NTM: variants seen among roughly 807,000 people sequenced by gnomAD.
The protein encoded by NTM is neurotrimin, also known as IgLON family member 2.
Under a neutral mutation model 42.1 loss-of-function variants are expected in NTM, and 13 were observed. The observed-to-expected ratio is 0.31, with a 90% CI of 0.20 to 0.49. The LOEUF (loss-of-function observed/expected upper bound fraction) is 0.49. Ranked by LOEUF, NTM falls within the 20% of genes least tolerant of loss-of-function variation. The pLI is 0.99. For missense variants in NTM, 373 were observed against 452.8 expected, an observed-to-expected ratio of 0.82 and a Z score of 1.60; for synonymous variants, 187 against 179.2, an observed-to-expected ratio of 1.04 and a Z score of -0.35.
At chr11:132,145,210 C>T (rs781556897) in intron 2 of NTM, among the ~76,000 whole-genome samples, 17 of 152,214 alleles carry the variant, frequency 1.1e-4, no homozygotes, top group Non-Finnish European at 2.5e-4. Context: ...CTATTCAGAA[C>T]CCTAGTGTCC....
intron 1 of NTM, among the ~76,000 whole-genome samples, chr11:131,518,030 T>C (rs1195094133): frequency 1.3e-5 from 2 of 152,252 alleles, no homozygotes; most frequent in Non-Finnish European, 2.9e-5. Context: ...TTATAGCTTC[T>C]TGAATTGTTT....
At chr11:131,873,858 C>G (rs959531757) in intron 1 of NTM, among the ~76,000 whole-genome samples, 4 of 141,778 alleles carry the variant, frequency 2.8e-5, no homozygotes, top group Non-Finnish European at 4.5e-5. Context: ...CACCCTGTGT[C>G]CATGTGTTCT....
chr11:131,412,315 A>G (rs1946509991), intron 1 of NTM, among the ~76,000 whole-genome samples: 1 of 152,210 alleles, frequency 6.6e-6, no homozygotes, highest in Non-Finnish European at 1.5e-5. Flanking sequence ...CCCCAGGCTC[A>G]GCATGTATCA....
chr11:131,741,163 GA>G (rs2081143982), intron 1 of NTM, among the ~76,000 whole-genome samples: 2 of 1,352 alleles, frequency 1.5e-3, no homozygotes, highest in Non-Finnish European at 2.8e-3. Flanking sequence ...AGACCCCGTT[GA>G]GAGAGAGAGA....
intron 3 of NTM, among the ~76,000 whole-genome samples, chr11:132,147,873 G>A (rs942776724): frequency 1.3e-5 from 2 of 152,190 alleles, no homozygotes; most frequent in African/African-American, 4.8e-5. Context: ...AAGAACTGAA[G>A]TGAGCCGGAA....
chr11:131,905,590 T>C (rs1277358051), intron 1 of NTM, among the ~76,000 whole-genome samples: 1 of 152,126 alleles, frequency 6.6e-6, no homozygotes, highest in Non-Finnish European at 1.5e-5. Context: ...AGTTTCCTGA[T>C]CTTCCAGGCA....
intron 1 of NTM, among the ~76,000 whole-genome samples, chr11:131,738,124 A>G (rs2080719297): frequency 6.6e-6 from 1 of 152,032 alleles, no homozygotes; most frequent in African/African-American, 2.4e-5. Flanking sequence ...AAGCCAGGGG[A>G]TGGGGATGGA....
At chr11:132,264,909 A>G (rs1261044750) in intron 4 of NTM, among the ~76,000 whole-genome samples, 1 of 152,168 alleles carries the variant, frequency 6.6e-6, no homozygotes, top group African/African-American at 2.4e-5. Context: ...TTCTCTTCTT[A>G]TAAAGCTGTG....
chr11:131,508,199 A>G (rs1413537715), intron 1 of NTM, among the ~76,000 whole-genome samples: 1 of 146,792 alleles, frequency 6.8e-6, no homozygotes, highest in East Asian at 1.9e-4. Context: ...GAAAAAACAA[A>G]CAACCCCATC....
At chr11:131,479,378 A>G (rs1246999391) in intron 1 of NTM, among the ~76,000 whole-genome samples, 2 of 152,212 alleles carry the variant, frequency 1.3e-5, no homozygotes, top group African/African-American at 4.8e-5. Context: ...AGAGCATGAG[A>G]GGTTCGAAGA....
At chr11:131,399,923 T>C (rs1415312798) in intron 1 of NTM, among the ~76,000 whole-genome samples, 2 of 152,082 alleles carry the variant, frequency 1.3e-5, no homozygotes, top group Non-Finnish European at 2.9e-5. Flanking sequence ...GCACAGATCA[T>C]GATTATGGTA....
At chr11:131,737,075 A>T (rs2080557536) in intron 1 of NTM, among the ~76,000 whole-genome samples, 2 of 152,132 alleles carry the variant, frequency 1.3e-5, no homozygotes, top group African/African-American at 4.8e-5. Flanking sequence ...CTACTTCTGG[A>T]TGTCAAGCTG....
intron 1 of NTM, among the ~76,000 whole-genome samples, chr11:131,521,603 G>T (rs1000157707): frequency 6.6e-6 from 1 of 151,596 alleles, no homozygotes; most frequent in African/African-American, 2.4e-5. Flanking sequence ...GGGGACTCTT[G>T]TGGGAACTAA....
chr11:131,461,867 G>T (rs1319586117), intron 1 of NTM, among the ~76,000 whole-genome samples: 1 of 152,104 alleles, frequency 6.6e-6, no homozygotes, highest in Admixed American at 6.6e-5. Flanking sequence ...AGAGATGTGG[G>T]AGATACAAAG....
rs553802073 is a variant in NTM, at chr11:132,282,360, G to A, written c.527-25329G>A. ...CTCTTTAGGGAATAGCTTGTGTCTG[G>A]AAGCCAGTGGGTAACTTGAAATAGC... On this transcript the variant is annotated intron_variant, in intron 4 of 8. Coordinates refer to ENST00000683400, the MANE Select transcript of NTM (RefSeq NM_001352005.2). Among the ~76,000 whole-genome samples the A allele has an allele frequency of 1.7e-4, 26 of 152,320 alleles. No homozygotes were observed. The South Asian group carries it at 3.9e-3, about 23-fold the overall frequency.
intron 1 of NTM, among the ~76,000 whole-genome samples, chr11:131,612,413 G>A (rs957679191): frequency 3.3e-5 from 5 of 152,234 alleles, no homozygotes; most frequent in Non-Finnish European, 7.3e-5. Flanking sequence ...TACTAGAACT[G>A]TGGAGAGTGC....
intron 1 of NTM, among the ~76,000 whole-genome samples, chr11:131,887,944 C>A (rs952794732): frequency 3.3e-5 from 5 of 152,130 alleles, no homozygotes; most frequent in Non-Finnish European, 5.9e-5. Flanking sequence ...CACATTAATC[C>A]CTTTAGTAAG....
At chr11:131,527,046 A>T (rs931811790) in intron 1 of NTM, among the ~76,000 whole-genome samples, 1 of 152,178 alleles carries the variant, frequency 6.6e-6, no homozygotes, top group Non-Finnish European at 1.5e-5. Context: ...AGCAATGACA[A>T]GTCAGCCTGG....
Position 131,672,336 on chromosome 11 carries a change from G to A in NTM, c.83-239228G>A, listed in dbSNP as rs113065207. Among the ~76,000 whole-genome samples, 1,327 of 152,332 alleles carry A rather than the reference G, an allele frequency of 8.7e-3. 21 individuals carry two copies. The highest frequency in any genetic ancestry group is 0.031 in the African/African-American group (1,273 of 41,596). ...GGGGCCAGGTGAAGGCAGAGGCGGCGACTTGAGCAAATGAGCCTCCTTTGA... is the reference window on the plus strand; with the variant it reads ...GGGGCCAGGTGAAGGCAGAGGCGGCAACTTGAGCAAATGAGCCTCCTTTGA... On this transcript the variant is annotated intron_variant, in intron 1 of 8. Coordinates refer to ENST00000683400, the MANE Select transcript of NTM (RefSeq NM_001352005.2).
Sources: gnomAD v4.1 joint callset for allele counts (sites outside exome capture counted in the v4.1 genomes callset) on GRCh38, gnomAD v4.1.1 for gene constraint, MANE v1.5 for transcripts, NCBI Gene and HGNC (gene_info 2026-07-23, HGNC 2026-07-21) for gene names.